The following MITF variants were observed in gnomAD, a reference collection of about 807,000 sequenced individuals.
MITF encodes the protein melanocyte inducing transcription factor, also known as microphthalmia-associated transcription factor.
In MITF, 17 loss-of-function variants were observed where a neutral mutation model predicts 60.5. The ratio of observed to expected loss-of-function variants is 0.28; its 90% CI spans 0.19 to 0.42. The LOEUF (loss-of-function observed/expected upper bound fraction) is 0.42, where lower values mean the gene tolerates loss of function less well. MITF is among the 10% of genes least tolerant of loss of function. The pLI, the probability that MITF is intolerant of heterozygous loss-of-function variation, is 1.00. For synonymous variants in MITF, 260 were observed against 248.5 expected (o/e 1.05, Z -0.43); for missense variants, 622 against 683.5 (o/e 0.91, Z 1.00).
In MITF at chr3:69,896,997, A is replaced by T. The variant is rs575491139; in HGVS notation, c.354+17614A>T. ...GAGGGGGCATGGCACATGGAGAGAA[A>T]TGAAGCAACAATACATACTCTGGAT... On this transcript the variant is annotated intron_variant, in intron 2 of 9. Coordinates refer to ENST00000352241, the MANE Select transcript of MITF (RefSeq NM_001354604.2). Among the ~76,000 whole-genome samples, 12 of 152,298 alleles carry T rather than the reference A, an allele frequency of 7.9e-5. No individual in the cohort carries two copies. In the East Asian group the frequency reaches 2.1e-3, roughly 27 times the overall value.
chr3:69,752,630 T>A (rs1166462354), intron 1 of MITF, among the ~76,000 whole-genome samples: 1 of 152,182 alleles, frequency 6.6e-6, no homozygotes, highest in Non-Finnish European at 1.5e-5. Context: ...TAACAACCTA[T>A]GTTTATATGT....
intron 1 of MITF, among the ~76,000 whole-genome samples, chr3:69,831,586 G>C (rs1231931517): frequency 6.6e-6 from 1 of 152,152 alleles, no homozygotes; most frequent in Non-Finnish European, 1.5e-5. Flanking sequence ...TCCGGCAAGA[G>C]TTTCATTTTT....
chr3:69,807,791 G>A (rs2063033461), intron 1 of MITF, among the ~76,000 whole-genome samples: 1 of 152,120 alleles, frequency 6.6e-6, no homozygotes, highest in Non-Finnish European at 1.5e-5. Context: ...TGGACACAAT[G>A]GCAGCTTCTC....
chr3:69,834,776 T>G (rs1290743243), intron 1 of MITF, among the ~76,000 whole-genome samples: 1 of 152,078 alleles, frequency 6.6e-6, no homozygotes, highest in Admixed American at 6.5e-5. Flanking sequence ...GCTGTACTAA[T>G]TTACAATCTC....
At chr3:69,811,898 C>T (rs1047081647) in intron 1 of MITF, among the ~76,000 whole-genome samples, 14 of 152,278 alleles carry the variant, frequency 9.2e-5, no homozygotes, top group East Asian at 7.7e-4. Flanking sequence ...GACAGAGAGA[C>T]GGACAGGAGA....
intron 2 of MITF, among the ~76,000 whole-genome samples, chr3:69,905,715 GT>G (rs535295005): frequency 6.6e-6 from 1 of 150,876 alleles, no homozygotes. Flanking sequence ...CTCATTGTGT[GT>G]TTTTTTTTAA....
At chr3:69,936,925 C>G (rs796896335) in intron 2 of MITF, 1 of 445,278 alleles carries the variant, frequency 2.2e-6, no homozygotes, top group South Asian at 3.4e-5. Flanking sequence ...TAGTTTTGAA[C>G]AAAGTAAATA....
chr3:69,860,007 T>G (rs2063984748), intron 1 of MITF, among the ~76,000 whole-genome samples: 1 of 152,194 alleles, frequency 6.6e-6, no homozygotes, highest in Non-Finnish European at 1.5e-5. Context: ...TTTTACTAAA[T>G]TTCTCATTTA....
chr3:69,923,388 A>G (rs890370191), intron 2 of MITF, among the ~76,000 whole-genome samples: 4 of 152,220 alleles, frequency 2.6e-5, no homozygotes, highest in Non-Finnish European at 5.9e-5. Context: ...TCTGTCACCT[A>G]GGCTGGAATG....
chr3:69,870,438 A>AT (rs1228387008), intron 1 of MITF, among the ~76,000 whole-genome samples: 1,689 of 141,606 alleles, frequency 0.012, 21 homozygotes, highest in Middle Eastern at 0.034. Flanking sequence ...ATATATATAT[A>AT]TATTTTTTTT....
At chr3:69,939,011 G>T in intron 3 of MITF, 87 bp from the exon 4 acceptor site, 4 of 1,563,940 alleles carry the variant, frequency 2.6e-6, no homozygotes, top group South Asian at 1.2e-5. Flanking sequence ...TCATCTTGTT[G>T]CTGTGCCATC....
chr3:69,784,967 G>T (rs1040880360), intron 1 of MITF, among the ~76,000 whole-genome samples: 1 of 152,120 alleles, frequency 6.6e-6, no homozygotes, highest in South Asian at 2.1e-4. Flanking sequence ...TGGACTGTGG[G>T]CCCCTGCAGC....
At chr3:69,762,540 A>G (rs2062227481) in intron 1 of MITF, among the ~76,000 whole-genome samples, 1 of 152,222 alleles carries the variant, frequency 6.6e-6, no homozygotes. Flanking sequence ...GAAAGCCTTT[A>G]GCCTTGTAAT....
chr3:69,823,490 C>G (rs1327073360), intron 1 of MITF, among the ~76,000 whole-genome samples: 1 of 152,110 alleles, frequency 6.6e-6, no homozygotes, highest in African/African-American at 2.4e-5. Context: ...AATAAGGGCA[C>G]TAATGCCATC....
intron 1 of MITF, among the ~76,000 whole-genome samples, chr3:69,844,252 G>T (rs923418794): frequency 2.0e-5 from 3 of 152,192 alleles, no homozygotes; most frequent in East Asian, 1.9e-4. Flanking sequence ...AAAACAGCAT[G>T]GTATTGGTAC....
At chr3:69,850,701 C>T (rs1282844092) in intron 1 of MITF, among the ~76,000 whole-genome samples, 6 of 152,208 alleles carry the variant, frequency 3.9e-5, no homozygotes, top group African/African-American at 1.4e-4. Context: ...TTTTCTTGGG[C>T]ATTTCCATTC....
rs577745777 is a variant in MITF, at chr3:69,846,413, G to A, written c.105-32721G>A. Among the ~76,000 whole-genome samples, 19 of 152,308 alleles carry A rather than the reference G, an allele frequency of 1.2e-4. No individual in the cohort carries two copies. In the South Asian group the frequency reaches 3.9e-3, roughly 32 times the overall value. On this transcript the variant is annotated intron_variant, in intron 1 of 9. Coordinates refer to ENST00000352241, the MANE Select transcript of MITF (RefSeq NM_001354604.2). ...AGATTCTATGTAGAAGAAGGACCAT[G>A]CCTTACTAGTTTCTACCCAGTGCCA...
chr3:69,851,410 T>A (rs2063821862), intron 1 of MITF, among the ~76,000 whole-genome samples: 1 of 152,194 alleles, frequency 6.6e-6, no homozygotes, highest in African/African-American at 2.4e-5. Context: ...ACAGCCTGAA[T>A]GTCCTTATAC....
chr3:69,940,126 C>T (rs985678641), intron 4 of MITF, among the ~76,000 whole-genome samples: 1 of 152,130 alleles, frequency 6.6e-6, no homozygotes, highest in Non-Finnish European at 1.5e-5. Context: ...ATACAAGAAT[C>T]CATAAGACAG....
Sources: gnomAD v4.1 joint callset for allele counts (sites outside exome capture counted in the v4.1 genomes callset) on GRCh38, gnomAD v4.1.1 for gene constraint, MANE v1.5 for transcripts, NCBI Gene and HGNC (gene_info 2026-07-23, HGNC 2026-07-21) for gene names.